GRIN3A: variants seen among roughly 807,000 people sequenced by gnomAD.
GRIN3A encodes glutamate ionotropic receptor NMDA type subunit 3A.
A neutral mutation model predicts 92.4 loss-of-function variants in GRIN3A; 47 were observed. The observed-to-expected ratio is 0.51, with a 90% confidence interval of 0.40 to 0.65. GRIN3A has a LOEUF of 0.65. Ranked by LOEUF, GRIN3A falls within the 30% of genes least tolerant of loss-of-function variation. GRIN3A has a pLI of 0.00. For missense variants in GRIN3A, 1,324 were observed against 1,393.1 expected (o/e 0.95, Z 0.79); for synonymous variants, 527 against 540.6 (o/e 0.97, Z 0.35).
intron 6 of GRIN3A, among the ~76,000 whole-genome samples, chr9:101,604,021 A>C (rs761083962): frequency 4.6e-5 from 7 of 152,122 alleles, no homozygotes; most frequent in Non-Finnish European, 1.0e-4. Flanking sequence ...GGTATTTTTC[A>C]CAAGTCTCTC....
intron 1 of GRIN3A, among the ~76,000 whole-genome samples, chr9:101,710,584 C>G (rs761220457): frequency 5.3e-5 from 8 of 152,152 alleles, no homozygotes; most frequent in African/African-American, 1.2e-4. Flanking sequence ...CATGTTGTAA[C>G]TCAGGGATTT....
intron 1 of GRIN3A, among the ~76,000 whole-genome samples, chr9:101,691,094 C>T (rs1349310271): frequency 6.6e-6 from 1 of 151,918 alleles, no homozygotes; most frequent in Non-Finnish European, 1.5e-5. Context: ...ACATGAAAAA[C>T]AAGAGAATAT....
intron 3 of GRIN3A, among the ~76,000 whole-genome samples, chr9:101,646,316 T>G (rs1051326170): frequency 1.3e-5 from 2 of 151,914 alleles, no homozygotes; most frequent in Non-Finnish European, 2.9e-5. Flanking sequence ...TAGTACCAGT[T>G]ATTGAAGAGA....
chr9:101,575,567 A>G (rs1827814787), intron 8 of GRIN3A, among the ~76,000 whole-genome samples: 1 of 152,214 alleles, frequency 6.6e-6, no homozygotes, highest in South Asian at 2.1e-4. Flanking sequence ...CTCCTGCAAT[A>G]TGTACCTTAT....
chr9:101,613,569 C>T (rs1371358924), intron 5 of GRIN3A, 42 bp from the exon 6 acceptor site: 4 of 1,598,160 alleles, frequency 2.5e-6, no homozygotes, highest in Non-Finnish European at 3.4e-6. Context: ...TTACACCCTT[C>T]CTGAGAGATT....
intron 5 of GRIN3A, among the ~76,000 whole-genome samples, chr9:101,623,018 AC>A (rs1216958014): frequency 2.0e-5 from 3 of 151,764 alleles, no homozygotes; most frequent in African/African-American, 7.3e-5. Flanking sequence ...ACACACACAC[AC>A]ACAATACAGA....
intron 6 of GRIN3A, among the ~76,000 whole-genome samples, chr9:101,611,637 GC>G (rs1828369606): frequency 6.6e-6 from 1 of 152,126 alleles, no homozygotes; most frequent in Non-Finnish European, 1.5e-5. Context: ...ACTGAGTGCT[GC>G]TATATATGAG....
chr9:101,720,426 A>G (rs1829997652), intron 1 of GRIN3A, among the ~76,000 whole-genome samples: 1 of 152,206 alleles, frequency 6.6e-6, no homozygotes, highest in Non-Finnish European at 1.5e-5. Context: ...AGCTCTACAG[A>G]TGATTCTAAA....
At chr9:101,732,435 G>A (rs751766250) in intron 1 of GRIN3A, among the ~76,000 whole-genome samples, 3 of 152,168 alleles carry the variant, frequency 2.0e-5, no homozygotes, top group Admixed American at 6.5e-5. Flanking sequence ...CAGGACTTAA[G>A]GCTCTAGAAG....
At chr9:101,574,566 G>A (rs1329242686) in intron 8 of GRIN3A, among the ~76,000 whole-genome samples, 2 of 152,206 alleles carry the variant, frequency 1.3e-5, no homozygotes, top group Non-Finnish European at 2.9e-5. Flanking sequence ...AATCTGGAAG[G>A]AGAAGGGGAA....
At chr9:101,693,369 A>G (rs1209898588) in intron 1 of GRIN3A, among the ~76,000 whole-genome samples, 1 of 151,778 alleles carries the variant, frequency 6.6e-6, no homozygotes, top group African/African-American at 2.4e-5. Flanking sequence ...CAGTGAGTCA[A>G]GATTGTGCCA....
chr9:101,720,110 T>G (rs990856859), intron 1 of GRIN3A, among the ~76,000 whole-genome samples: 1 of 152,182 alleles, frequency 6.6e-6, no homozygotes, highest in Non-Finnish European at 1.5e-5. Flanking sequence ...ATTTAGAAGT[T>G]ACAGTTTGAC....
intron 4 of GRIN3A, among the ~76,000 whole-genome samples, chr9:101,627,426 G>T (rs75781194): frequency 2.2e-3 from 335 of 152,242 alleles, no homozygotes; most frequent in African/African-American, 7.8e-3. Context: ...AGAATTTGAG[G>T]TGGCAGATCC....
At chr9:101,705,618 C>G (rs1370004785) in intron 1 of GRIN3A, among the ~76,000 whole-genome samples, 1 of 152,110 alleles carries the variant, frequency 6.6e-6, no homozygotes, top group East Asian at 1.9e-4. Context: ...CTGCGTGCTC[C>G]CCCTCGTCTC....
At chr9:101,680,850 G>T (rs1285466872) in intron 2 of GRIN3A, among the ~76,000 whole-genome samples, 1 of 152,092 alleles carries the variant, frequency 6.6e-6, no homozygotes, top group East Asian at 1.9e-4. Flanking sequence ...AATTCTCAAG[G>T]GATACAGAAC....
At chr9:101,602,107 G>A (rs1452121394) in intron 6 of GRIN3A, among the ~76,000 whole-genome samples, 2 of 152,116 alleles carry the variant, frequency 1.3e-5, no homozygotes, top group South Asian at 2.1e-4. Flanking sequence ...TACTGTGTGA[G>A]AAGAGGGGCA....
intron 6 of GRIN3A, among the ~76,000 whole-genome samples, chr9:101,607,805 C>T (rs6415853): frequency 0.55 from 83,012 of 152,038 alleles, 23,328 homozygotes; most frequent in African/African-American, 0.69. Flanking sequence ...TTAATAATTA[C>T]GCTTTCTCCT....
chr9:101,651,800 G>A (rs1436036118), intron 3 of GRIN3A, among the ~76,000 whole-genome samples: 2 of 151,836 alleles, frequency 1.3e-5, no homozygotes, highest in Non-Finnish European at 2.9e-5. Flanking sequence ...ATTTAAAAAT[G>A]GCAATAGGCT....
intron 2 of GRIN3A, among the ~76,000 whole-genome samples, chr9:101,682,598 G>A (rs1255576456): frequency 1.3e-5 from 2 of 152,164 alleles, no homozygotes; most frequent in African/African-American, 4.8e-5. Context: ...ATGGTCATTG[G>A]CTAGGCAAAA....
Sources: gnomAD v4.1 joint callset for allele counts (sites outside exome capture counted in the v4.1 genomes callset) on GRCh38, gnomAD v4.1.1 for gene constraint, MANE v1.5 for transcripts, NCBI Gene and HGNC (gene_info 2026-07-23, HGNC 2026-07-21) for gene names.